Variants in ZNF773 observed in about 807,000 individuals in gnomAD.
The protein encoded by ZNF773 is zinc finger protein 773.
A neutral mutation model predicts 12.8 loss-of-function variants in ZNF773; 11 were observed. That is an observed-to-expected ratio of 0.86 (90% CI 0.54 to 1.42). The LOEUF (loss-of-function observed/expected upper bound fraction) is 1.42, where lower values mean the gene tolerates loss of function less well. ZNF773 is among the 40% of genes most tolerant of loss of function. The pLI is 0.00. For synonymous variants in ZNF773, 175 were observed against 178.4 expected, an observed-to-expected ratio of 0.98 and a Z score of 0.15; for missense variants, 518 against 527.2, an observed-to-expected ratio of 0.98 and a Z score of 0.17.
downstream of ZNF773, chr19:57,516,947 C>T (rs915299013): frequency 6.6e-6 from 1 of 152,220 alleles, no homozygotes; most frequent in African/African-American, 2.4e-5. Context: ...ACTTGCTTGG[C>T]ACAGAATGGG....
chr19:57,506,775 T>C lies in ZNF773; in HGVS notation c.680T>C (p.Leu227Ser). ...KPYECSECGK[L>S]FSHKSNLFIH... is the part of the protein sequence containing the mutation. ...TATGAATGCAGTGAATGTGGGAAGT[T>C]ATTTAGCCATAAGTCCAACCTTTTT... Residue 227 changes from leucine (L) to serine (S), a missense_variant, in exon 4 of 4, where the codon TTA becomes TCA. Physicochemically the swap from Leu to Ser is moderately radical, Grantham distance 145. Coordinates refer to ENST00000282292, the MANE Select transcript of ZNF773 (RefSeq NM_198542.3). The C allele has an allele frequency of 1.9e-6, 3 of 1,614,182 alleles. No homozygotes were observed. The highest frequency in any genetic ancestry group is 2.5e-6 in the Non-Finnish European group (3 of 1,180,030).
At chr19:57,513,092 A>T (rs759921580), downstream of ZNF773, 2 of 1,504,408 alleles carry the variant, frequency 1.3e-6, no homozygotes, top group East Asian at 5.2e-5. Flanking sequence ...GAGCAGAGAA[A>T]GTGAAACTGA....
downstream of ZNF773, chr19:57,508,629 T>C: frequency 1.5e-6 from 1 of 678,562 alleles, no homozygotes; most frequent in South Asian, 1.5e-5. Context: ...TGGTTAGCAT[T>C]TCATATTTCC....
Position 57,507,732 on chromosome 19 carries a change from T to G in ZNF773, c.*308T>G. ...CTGACACCTGTTATTCTCACCACTT[T>G]GGGAGGCTGAAGCGGGCGGATCACA... On this transcript the variant is annotated 3_prime_UTR_variant, in exon 4 of 4. Coordinates refer to ENST00000282292, the MANE Select transcript of ZNF773 (RefSeq NM_198542.3). 2.6e-6 allele frequency: 3 copies of G among 1,146,502 alleles called. No homozygotes were observed. Among genetic ancestry groups the G allele is most frequent in the Non-Finnish European group, 3.2e-6 (3 of 932,550 alleles). 71.0% of individuals were successfully genotyped at this position (1,146,502 alleles called of 1,614,324 possible). A position where few individuals can be genotyped will look rare whatever the true frequency, so the allele number is the denominator to read the frequency against.
Position 57,506,823 on chromosome 19 carries a change from G to A in ZNF773, c.728G>A (p.Gly243Glu), listed in dbSNP as rs765458002. 6.2e-7 allele frequency: 1 copy of A among 1,614,110 alleles called. No homozygotes were observed. Among genetic ancestry groups the A allele is most frequent in the Non-Finnish European group, 8.5e-7 (1 of 1,180,054 alleles). The change falls in exon 4 of 4, where the codon GGA becomes GAA. Residue 243 changes from glycine (G) to glutamate (E), a missense_variant. By Grantham distance (98) the Gly-to-Glu change is moderately conservative. Coordinates refer to ENST00000282292, the MANE Select transcript of ZNF773 (RefSeq NM_198542.3). ...NLFIHQIVHT[G>E]ERPYGCSDCG... is the part of the protein sequence containing the mutation. ...TTTATACACCAAATAGTTCACACTG[G>A]AGAAAGGCCTTATGGGTGTAGTGAC...
At chr19:57,512,318 A>T (rs1372512509), downstream of ZNF773, among the ~76,000 whole-genome samples, 2 of 152,138 alleles carry the variant, frequency 1.3e-5, no homozygotes, top group African/African-American at 4.8e-5. Flanking sequence ...CTATTATACA[A>T]GGTTAAAATT....
chr19:57,513,203 C>A, downstream of ZNF773: 1 of 1,017,910 alleles, frequency 9.8e-7, no homozygotes, highest in East Asian at 3.3e-5. Context: ...ATCAGGGTAA[C>A]ATAGGGCAGA....
Position 57,504,310 on chromosome 19 carries a change from A to G in ZNF773, c.34-347A>G, listed in dbSNP as rs544633404. ...AGTATGTGCACATTCTAATGAGTGT[A>G]AACAGATGTCCCCAGGGACCTTGTA... is the stretch of plus-strand genomic sequence containing the variant. On this transcript the variant is annotated intron_variant, in intron 1 of 3. Transcript: ENST00000282292. Among the ~76,000 whole-genome samples, 5 of 152,324 alleles carry G rather than the reference A, an allele frequency of 3.3e-5. No homozygotes were observed. In the South Asian group the frequency reaches 1.0e-3, roughly 32 times the overall value.
At chr19:57,512,561 G>A (rs553355582), downstream of ZNF773, among the ~76,000 whole-genome samples, 9 of 147,822 alleles carry the variant, frequency 6.1e-5, 1 homozygote, top group Middle Eastern at 0.01. Flanking sequence ...GCACCACCAC[G>A]CTGAGCTAAT....
chr19:57,512,144 A>G (rs2089800520), downstream of ZNF773, among the ~76,000 whole-genome samples: 1 of 152,218 alleles, frequency 6.6e-6, no homozygotes, highest in Non-Finnish European at 1.5e-5. Flanking sequence ...TACAGGTCCA[A>G]TTATATGTGA....
chr19:57,503,300 A>C (rs2123251126), intron 1 of ZNF773, among the ~76,000 whole-genome samples: 2 of 152,282 alleles, frequency 1.3e-5, no homozygotes, highest in East Asian at 3.9e-4. Context: ...TTAGGTAATA[A>C]GGGAGAATGT....
rs2089757133 is a variant in ZNF773, at chr19:57,507,687, GA to G, written c.*266del. On this transcript the variant is annotated 3_prime_UTR_variant, in exon 4 of 4. Coordinates refer to ENST00000282292, the MANE Select transcript of ZNF773 (RefSeq NM_198542.3). ...AATCAATATGACCTGACTTAAAGCA[GA>G]AACAGCCAGGCGTGGTGGCTGACAC... The G allele has an allele frequency of 6.4e-6, 8 of 1,257,408 alleles. No individual in the cohort carries two copies. Among genetic ancestry groups the G allele is most frequent in the Non-Finnish European group, 8.0e-6 (8 of 1,003,464 alleles). 77.9% of individuals were successfully genotyped at this position (1,257,408 alleles called of 1,614,324 possible).
chr19:57,503,083 T>A (rs1354641685), intron 1 of ZNF773, among the ~76,000 whole-genome samples: 6 of 152,114 alleles, frequency 3.9e-5, no homozygotes, highest in Non-Finnish European at 8.8e-5. Flanking sequence ...TCAGTGGGAA[T>A]AATTAAGTTA....
intron 1 of ZNF773, among the ~76,000 whole-genome samples, chr19:57,503,734 G>A (rs548636736): frequency 5.0e-4 from 75 of 151,184 alleles, no homozygotes; most frequent in African/African-American, 1.7e-3. Flanking sequence ...CTTGGCTCAC[G>A]GCAACCTCCA....
In ZNF773 at chr19:57,504,745, G is replaced by A. The variant is rs774985702; in HGVS notation, c.122G>A (p.Arg41His). ...LLDDAQRLLY[R>H]NVMLENFTLL... ...GATGACGCTCAGAGGCTCCTCTACC[G>A]CAATGTGATGCTGGAGAACTTTACA... The change falls in exon 2 of 4, where the codon CGC becomes CAC. Residue 41 changes from arginine to histidine, a missense_variant. Arg to His is a conservative substitution (Grantham distance 29). Coordinates refer to ENST00000282292, the MANE Select transcript of ZNF773 (RefSeq NM_198542.3). 34 of 1,613,568 alleles carry A rather than the reference G, an allele frequency of 2.1e-5. No individual in the cohort carries two copies. Among genetic ancestry groups the A allele is most frequent in the African/African-American group, 8.0e-5 (6 of 74,826 alleles).
At chr19:57,513,590 C>T (rs2089813889), downstream of ZNF773, 1 of 152,238 alleles carries the variant, frequency 6.6e-6, no homozygotes, top group Admixed American at 6.5e-5. Context: ...ATTTCTCCTC[C>T]ACCCACTGCT....
At chr19:57,500,570 G>C (rs1203377674) in intron 1 of ZNF773, among the ~76,000 whole-genome samples, 4 of 152,092 alleles carry the variant, frequency 2.6e-5, no homozygotes, top group Admixed American at 2.6e-4. Context: ...CTGGGACTGG[G>C]CCACAGAGGA....
At chr19:57,514,995 A>G (rs1307648034), downstream of ZNF773, 1 of 152,210 alleles carries the variant, frequency 6.6e-6, no homozygotes, top group East Asian at 1.9e-4. Flanking sequence ...GAAACAATAA[A>G]GACCTCTGGA....
chr19:57,516,264 G>A (rs1341214037), downstream of ZNF773: 1 of 155,652 alleles, frequency 6.4e-6, no homozygotes, highest in Non-Finnish European at 1.4e-5. Context: ...AACCACACAG[G>A]AAGCTGAGAA....
Sources: allele counts gnomAD v4.1 joint callset (sites outside exome capture counted in the v4.1 genomes callset), GRCh38; gene constraint gnomAD v4.1.1; transcripts MANE v1.5; gene names NCBI Gene and HGNC (gene_info 2026-07-23, HGNC 2026-07-21).